The following TRPM3 variants were observed in gnomAD, a reference collection of about 807,000 sequenced individuals.
TRPM3 encodes the protein long transient receptor potential channel 3.
TRPM3 carries 77 observed loss-of-function variants against 181.2 expected under a neutral mutation model. That is an observed-to-expected ratio of 0.42 (90% CI 0.35 to 0.51). The LOEUF (loss-of-function observed/expected upper bound fraction) is 0.51, where lower values mean the gene tolerates loss of function less well. TRPM3 is among the 20% of genes least tolerant of loss of function. The pLI is 0.01. For missense variants in TRPM3, 1,759 were observed against 2,196.7 expected (o/e 0.80, Z 3.98); for synonymous variants, 745 against 796.4 (o/e 0.94, Z 1.09).
chr9:71,258,999 C>A (rs2082857002), intron 1 of TRPM3, among the ~76,000 whole-genome samples: 1 of 152,098 alleles, frequency 6.6e-6, no homozygotes. Flanking sequence ...CACCCATCAA[C>A]CCGTCATCTA....
At chr9:70,841,192 T>C (rs2094603724) in intron 5 of TRPM3, among the ~76,000 whole-genome samples, 1 of 152,098 alleles carries the variant, frequency 6.6e-6, no homozygotes, top group Admixed American at 6.6e-5. Flanking sequence ...CCCAAATATA[T>C]TACATGAAAG....
At chr9:71,003,009 C>T (rs1348737412) in intron 1 of TRPM3, among the ~76,000 whole-genome samples, 4 of 151,826 alleles carry the variant, frequency 2.6e-5, no homozygotes, top group African/African-American at 9.7e-5. Flanking sequence ...TTTAGAAAGC[C>T]TCTTTAAGCT....
chr9:70,577,014 T>A (rs1408197636), intron 22 of TRPM3, among the ~76,000 whole-genome samples: 1 of 152,158 alleles, frequency 6.6e-6, no homozygotes, highest in East Asian at 1.9e-4. Context: ...CGCTGACCAT[T>A]CTCTATAAAA....
At chr9:71,144,348 A>C (rs2075293528) in intron 1 of TRPM3, among the ~76,000 whole-genome samples, 1 of 152,088 alleles carries the variant, frequency 6.6e-6, no homozygotes, top group African/African-American at 2.4e-5. Context: ...TTTTAATCCT[A>C]CTTTTTGCTC....
chr9:71,136,102 TA>T (rs1248318329), intron 1 of TRPM3, among the ~76,000 whole-genome samples: 3 of 152,168 alleles, frequency 2.0e-5, no homozygotes, highest in Admixed American at 6.5e-5. Flanking sequence ...ACAAAGAGAT[TA>T]ATACATCGTC....
At chr9:71,243,789 G>T (rs1429914233) in intron 1 of TRPM3, among the ~76,000 whole-genome samples, 1 of 152,174 alleles carries the variant, frequency 6.6e-6, no homozygotes, top group South Asian at 2.1e-4. Context: ...GGCTAGGGAA[G>T]ATGCACACAT....
At chr9:71,249,881 C>T (rs1483074524) in intron 1 of TRPM3, among the ~76,000 whole-genome samples, 1 of 152,102 alleles carries the variant, frequency 6.6e-6, no homozygotes, top group African/African-American at 2.4e-5. Flanking sequence ...GGAGAGATGC[C>T]ATCAAGTGGC....
At chr9:70,925,537 A>AAT (rs550487661) in intron 1 of TRPM3, among the ~76,000 whole-genome samples, 11 of 151,404 alleles carry the variant, frequency 7.3e-5, no homozygotes, top group East Asian at 1.9e-4. Context: ...TATGGAAAAA[A>AAT]ATATATATAT....
chr9:71,200,777 G>C (rs955921219), intron 1 of TRPM3, among the ~76,000 whole-genome samples: 4 of 152,086 alleles, frequency 2.6e-5, no homozygotes, highest in Non-Finnish European at 5.9e-5. Flanking sequence ...CTCTGCACGT[G>C]AGATGGGTTA....
chr9:70,980,264 G>T (rs1183394559), intron 1 of TRPM3, among the ~76,000 whole-genome samples: 1 of 152,042 alleles, frequency 6.6e-6, no homozygotes, highest in African/African-American at 2.4e-5. Flanking sequence ...TAGAGGAATT[G>T]GGATTTCCAG....
At position 71,022,329 on chromosome 9, in the gene TRPM3, A is replaced by G. The variant is rs549514626; in HGVS notation, c.177+98849T>C. ...TTTTTCATGAAATGATGCTAGAGTA[A>G]TAGGACATCCATAAGAAAATAAATA... On this transcript the variant is annotated intron_variant, in intron 1 of 25. Coordinates refer to ENST00000677713, the MANE Select transcript of TRPM3 (RefSeq NM_001366145.2). 9.6e-4 allele frequency among the ~76,000 whole-genome samples: 146 copies of G among 152,312 alleles called. 1 individual carries two copies. The highest frequency in any genetic ancestry group is 3.3e-3 in the African/African-American group (137 of 41,576).
At chr9:70,570,024 A>T (rs1274951850) in intron 22 of TRPM3, among the ~76,000 whole-genome samples, 1 of 152,136 alleles carries the variant, frequency 6.6e-6, no homozygotes, top group South Asian at 2.1e-4. Context: ...ATTTAAAGCA[A>T]TTAATTTAAG....
chr9:71,317,423 T>C (rs2088713001), intron 1 of TRPM3, among the ~76,000 whole-genome samples: 1 of 152,050 alleles, frequency 6.6e-6, no homozygotes, highest in Non-Finnish European at 1.5e-5. Flanking sequence ...GCAGATTGCT[T>C]GCGCATGGGA....
intron 5 of TRPM3, among the ~76,000 whole-genome samples, chr9:70,834,434 A>G (rs1452978188): frequency 6.6e-6 from 1 of 152,196 alleles, no homozygotes; most frequent in Non-Finnish European, 1.5e-5. Flanking sequence ...AGACGGTTAC[A>G]TCCTTTAGAA....
chr9:70,914,295 C>G (rs910230436), intron 1 of TRPM3, among the ~76,000 whole-genome samples: 2 of 152,198 alleles, frequency 1.3e-5, no homozygotes, highest in African/African-American at 4.8e-5. Context: ...AGCAGAGATT[C>G]CTCACAATAC....
At chr9:71,290,382 T>C (rs1483378740) in intron 1 of TRPM3, among the ~76,000 whole-genome samples, 1 of 152,124 alleles carries the variant, frequency 6.6e-6, no homozygotes, top group Non-Finnish European at 1.5e-5. Context: ...ATATTGAATA[T>C]TGATTTCTGT....
At chr9:71,025,343 C>T (rs2097885988) in intron 1 of TRPM3, among the ~76,000 whole-genome samples, 1 of 152,186 alleles carries the variant, frequency 6.6e-6, no homozygotes, top group Non-Finnish European at 1.5e-5. Flanking sequence ...TAGCTAGCTA[C>T]TGAAGTAGCC....
chr9:71,163,500 T>C (rs549973133), intron 1 of TRPM3, among the ~76,000 whole-genome samples: 1 of 152,218 alleles, frequency 6.6e-6, no homozygotes, highest in South Asian at 2.1e-4. Context: ...GTAGGCAATG[T>C]CAAAGAGGAA....
At chr9:70,999,586 C>T (rs889308487) in intron 1 of TRPM3, among the ~76,000 whole-genome samples, 4 of 152,138 alleles carry the variant, frequency 2.6e-5, no homozygotes, top group Admixed American at 6.5e-5. Flanking sequence ...ACGATGCTTC[C>T]GGAGAGCACT....
Sources: gnomAD v4.1 joint callset for allele counts (sites outside exome capture counted in the v4.1 genomes callset) on GRCh38, gnomAD v4.1.1 for gene constraint, MANE v1.5 for transcripts, NCBI Gene and HGNC (gene_info 2026-07-23, HGNC 2026-07-21) for gene names.